The following SLC30A7 variants were observed in gnomAD, a reference collection of about 807,000 sequenced individuals.
The protein encoded by SLC30A7 is solute carrier family 30 member 7.
In SLC30A7, 35 loss-of-function variants were observed where a neutral mutation model predicts 46.0. That is an observed-to-expected ratio of 0.76 (90% confidence interval 0.58 to 1.01). The LOEUF (loss-of-function observed/expected upper bound fraction) is 1.01. Ranked by LOEUF, SLC30A7 falls within the 50% of genes least tolerant of loss-of-function variation. SLC30A7 has a pLI of 0.00. For synonymous variants in SLC30A7, 147 were observed against 157.8 expected, an observed-to-expected ratio of 0.93 and a Z score of 0.51; for missense variants, 464 against 451.1, an observed-to-expected ratio of 1.03 and a Z score of -0.26.
At chr1:100,939,241 G>T (rs1383828849) in intron 8 of SLC30A7, among the ~76,000 whole-genome samples, 2 of 152,024 alleles carry the variant, frequency 1.3e-5, no homozygotes, top group Non-Finnish European at 2.9e-5. Context: ...TGGAGCAATG[G>T]TTTTTTTAAT....
chr1:100,992,613 G>C, the SLC30A7 span: 28 of 1,539,514 alleles, frequency 1.8e-5, no homozygotes, highest in African/African-American at 2.7e-5. Context: ...AATAATATGA[G>C]AGCCCTTCTA....
the SLC30A7 span, among the ~76,000 whole-genome samples, chr1:100,993,566 ATATATAT>A: frequency 1.4e-5 from 1 of 71,232 alleles, no homozygotes; most frequent in African/African-American, 5.9e-5. Flanking sequence ...ATAAATATAT[ATATATAT>A]ATATATATAT....
rs1655823017 is a variant in SLC30A7, at chr1:100,965,755, C to T, written c.934-14C>T. ...ACTTGATTATGATGTTAATATCTCT[C>T]CTTTATATTTCAGGTACAGCAGTTG... On this transcript the variant is annotated splice_polypyrimidine_tract_variant and intron_variant, in intron 9 of 10. Coordinates refer to ENST00000357650, the MANE Select transcript of SLC30A7 (RefSeq NM_133496.5). 1.2e-6 allele frequency: 2 copies of T among 1,610,200 alleles called. No individual in the cohort carries two copies. The highest frequency in any genetic ancestry group is 1.7e-4 in the Middle Eastern group (1 of 6,044).
Position 100,919,670 on chromosome 1 carries a change from G to C in SLC30A7, c.706+1543G>C, listed in dbSNP as rs181309058. Among the ~76,000 whole-genome samples, 3 of 152,198 alleles carry C rather than the reference G, an allele frequency of 2.0e-5. No homozygotes were observed. In the East Asian group the frequency reaches 5.8e-4, roughly 29 times the overall value. ...AAAGTCATCACAAGTTGGAGGAAAG[G>C]AAGTTAGATTTGCCTTTCTAATTCT... is the stretch of plus-strand genomic sequence containing the variant. On this transcript the variant is annotated intron_variant, in intron 7 of 10. Transcript: ENST00000357650.
At chr1:100,934,695 A>T (rs1270889897) in intron 8 of SLC30A7, among the ~76,000 whole-genome samples, 2 of 150,328 alleles carry the variant, frequency 1.3e-5, no homozygotes, top group East Asian at 3.9e-4. Context: ...TATATATATA[A>T]ATGTATGTAG....
chr1:100,967,694 C>T (rs1486368747), intron 10 of SLC30A7, among the ~76,000 whole-genome samples: 1 of 152,142 alleles, frequency 6.6e-6, no homozygotes, highest in Non-Finnish European at 1.5e-5. Context: ...TGAGAGCCTC[C>T]ACAAGGCTGT....
rs1039321265 is a variant in SLC30A7 at position 100,978,526 on chromosome 1, C to G, written c.*3669C>G. ...CCTCTCATTTTACAGATGAGAAAAC[C>G]GAAGCCCAGAAAAACTCTCATTTGC... On this transcript the variant is annotated 3_prime_UTR_variant, in exon 11 of 11. Coordinates refer to ENST00000357650, the MANE Select transcript of SLC30A7 (RefSeq NM_133496.5). The G allele has an allele frequency of 6.6e-6, 1 of 152,018 alleles. No individual in the cohort carries two copies. 9.4% of individuals were successfully genotyped at this position (152,018 alleles called of 1,614,324 possible).
intron 9 of SLC30A7, among the ~76,000 whole-genome samples, chr1:100,965,445 T>C (rs1408768449): frequency 6.6e-6 from 1 of 152,254 alleles, no homozygotes; most frequent in Non-Finnish European, 1.5e-5. Flanking sequence ...GGAAGTGTCC[T>C]TCTAATAGTT....
rs149409348 is a variant in SLC30A7, at chr1:100,908,380, C to T, written c.296+1415C>T. 7.6e-3 allele frequency among the ~76,000 whole-genome samples: 1,158 copies of T among 152,276 alleles called. 12 individuals are homozygous for T. The highest frequency in any genetic ancestry group is 0.026 in the African/African-American group (1,096 of 41,556). ...GATCTAATGATGTAAAAACATGCCT[C>T]CTGCCTTGCCGGAACTTGTCTCTTG... On this transcript the variant is annotated intron_variant, in intron 3 of 10. Coordinates refer to ENST00000357650, the MANE Select transcript of SLC30A7 (RefSeq NM_133496.5).
At chr1:100,904,573 T>A (rs1034635315) in intron 2 of SLC30A7, among the ~76,000 whole-genome samples, 7 of 152,148 alleles carry the variant, frequency 4.6e-5, no homozygotes, top group East Asian at 1.9e-4. Context: ...AAATTTTTTT[T>A]ATCAAATATT....
At chr1:100,906,812 G>T in intron 2 of SLC30A7, 40 bp from the exon 3 acceptor site, 3 of 1,394,766 alleles carry the variant, frequency 2.2e-6, no homozygotes, top group Non-Finnish European at 3.1e-6. Flanking sequence ...CTACTGTTTG[G>T]TTTTTATTAT....
chr1:100,934,952 C>T (rs1028273554), intron 8 of SLC30A7, among the ~76,000 whole-genome samples: 7 of 151,958 alleles, frequency 4.6e-5, no homozygotes, highest in Non-Finnish European at 7.4e-5. Context: ...GTCGTGATCA[C>T]GCCACTGCCA....
At chr1:100,972,193 G>T in intron 10 of SLC30A7, 1 of 252,604 alleles carries the variant, frequency 4.0e-6, no homozygotes, top group Non-Finnish European at 8.6e-6. Context: ...TTTGTGATGT[G>T]AATAAACTGT....
chr1:100,982,848 A>G (rs1570619535), downstream of SLC30A7, among the ~76,000 whole-genome samples: 1 of 151,610 alleles, frequency 6.6e-6, no homozygotes, highest in Non-Finnish European at 1.5e-5. Flanking sequence ...CTAGATTGAG[A>G]CTCCCTACCT....
chr1:100,906,714 C>T, intron 2 of SLC30A7, 138 bp from the exon 3 acceptor site: 1 of 584,536 alleles, frequency 1.7e-6, no homozygotes, highest in Non-Finnish European at 3.1e-6. Context: ...ATCCTCAAAG[C>T]TATCTATATA....
intron 2 of SLC30A7, among the ~76,000 whole-genome samples, chr1:100,904,489 A>G (rs892807283): frequency 3.3e-5 from 5 of 151,146 alleles, no homozygotes; most frequent in Admixed American, 2.0e-4. Context: ...ATCTGGGTCA[A>G]TATCTTGGTC....
chr1:100,971,052 C>T (rs1351504303), intron 10 of SLC30A7, among the ~76,000 whole-genome samples: 1 of 152,010 alleles, frequency 6.6e-6, no homozygotes, highest in African/African-American at 2.4e-5. Flanking sequence ...GTCCTAAGCC[C>T]CCAACTTCCT....
intron 2 of SLC30A7, among the ~76,000 whole-genome samples, chr1:100,905,885 G>T (rs979927853): frequency 6.6e-6 from 1 of 151,946 alleles, no homozygotes; most frequent in Non-Finnish European, 1.5e-5. Context: ...GCCATTTCTG[G>T]TTCTGTTGAC....
At chr1:100,949,886 G>A (rs553671037) in intron 8 of SLC30A7, among the ~76,000 whole-genome samples, 35 of 152,178 alleles carry the variant, frequency 2.3e-4, no homozygotes, top group Non-Finnish European at 2.6e-4. Context: ...GTATGTAGGT[G>A]GGAGTGTCCC....
Sources: allele counts gnomAD v4.1 joint callset (sites outside exome capture counted in the v4.1 genomes callset), GRCh38; gene constraint gnomAD v4.1.1; transcripts MANE v1.5; gene names NCBI Gene and HGNC (gene_info 2026-07-23, HGNC 2026-07-21).